The following HEXA variants were observed in gnomAD, a reference collection of about 807,000 sequenced individuals.
HEXA encodes beta-hexosaminidase subunit alpha.
In HEXA, 54 loss-of-function variants were observed where a neutral mutation model predicts 73.3. That is an observed-to-expected ratio of 0.74 (90% CI 0.59 to 0.92). The LOEUF is 0.92. HEXA is among the 40% of genes least tolerant of loss of function. The probability of loss-of-function intolerance (pLI) is 0.00; values close to 1 mark genes in which losing one functional copy is unlikely to be tolerated. For missense variants in HEXA, 649 were observed against 653.0 expected (o/e 0.99, Z 0.07); for synonymous variants, 230 against 246.9 (o/e 0.93, Z 0.64).
At chr15:72,350,400 T>C (rs1350315977) in intron 7 of HEXA, 118 bp downstream of exon 7, 4 of 1,091,268 alleles carry the variant, frequency 3.7e-6, no homozygotes, top group Admixed American at 3.4e-5. Context: ...AAGAAGTCGA[T>C]GGAAAACATT....
In HEXA at chr15:72,345,539, C is replaced by A; in HGVS notation, c.1433G>T (p.Gly478Val). 1 of 1,614,226 alleles carries A rather than the reference C, an allele frequency of 6.2e-7. No homozygotes were observed. The highest frequency in any genetic ancestry group is 1.3e-5 in the African/African-American group (1 of 75,072). Residue 478 changes from glycine to valine, a missense_variant, in exon 13 of 14, where the codon GGG (glycine) becomes GTG (valine). Coordinates refer to ENST00000268097, the MANE Select transcript of HEXA (RefSeq NM_000520.6). The stretch of plus-strand genomic sequence containing the variant: ...GCTCCACAGCCTTTCGGCAACAGCC[C>A]CTGCTCTGGGCCTGGAGGAAAAGGG... ...NLVPRLWPRA[G>V]AVAERLWSNK...
At chr15:72,351,544 G>T in intron 5 of HEXA, 1 of 454,678 alleles carries the variant, frequency 2.2e-6, no homozygotes, top group South Asian at 2.3e-5. Context: ...GTGGTAGCCT[G>T]GAATCTTCCA....
intron 12 of HEXA, 128 bp downstream of exon 12, chr15:72,346,107 C>T: frequency 4.2e-6 from 3 of 714,050 alleles, no homozygotes; most frequent in South Asian, 1.5e-5. Context: ...AGGCTCGTTG[C>T]ACGGCCTGCT....
At position 72,349,153 on chromosome 15, in the gene HEXA, G is replaced by T. The variant is rs1385655581; in HGVS notation, c.912C>A (p.Phe304Leu). 6.2e-7 allele frequency: 1 copy of T among 1,613,922 alleles called. No homozygotes were observed. Among genetic ancestry groups the T allele is most frequent in the South Asian group, 1.1e-5 (1 of 91,078 alleles). ...GGAAGACAGAGCTGACTTCTAAGAA[G>T]AATGTGCTCATGAACTCATAGGTAT... is the stretch of plus-strand genomic sequence containing the variant. ...LNNTYEFMST[F>L]FLEVSSVFPD... The change falls in exon 8 of 14, where the codon TTC (phenylalanine) becomes TTA (leucine). Residue 304 changes from phenylalanine to leucine, a missense_variant. Coordinates refer to ENST00000268097, the MANE Select transcript of HEXA (RefSeq NM_000520.6).
intron 13 of HEXA, 119 bp from the exon 14 acceptor site, chr15:72,344,259 T>C: frequency 1.4e-6 from 1 of 732,330 alleles, no homozygotes; most frequent in East Asian, 2.8e-5. Context: ...ACTGTCACTG[T>C]ACACCAAATG....
Position 72,349,283 on chromosome 15 carries a change from T to G in HEXA, c.806-24A>C, listed in dbSNP as rs1276811512. 1.9e-6 allele frequency: 3 copies of G among 1,596,900 alleles called. No individual in the cohort carries two copies. In the South Asian group the frequency reaches 3.3e-5, roughly 18 times the overall value. ...ACCTAAGCCAAGAGAAAACCCCATA[T>G]GAGTGTCACAAATACATAAACCCCC... On this transcript the variant is annotated intron_variant, in intron 7 of 13. Transcript: ENST00000268097.
At chr15:72,363,810 T>C (rs1195757727) in intron 1 of HEXA, among the ~76,000 whole-genome samples, 6 of 152,194 alleles carry the variant, frequency 3.9e-5, no homozygotes, top group Non-Finnish European at 8.8e-5. Flanking sequence ...TTTCCCCTAC[T>C]TTTAAAACTG....
rs200177553 is a variant in HEXA at position 72,353,195 on chromosome 15, T to C, written c.460-17A>G. The C allele has an allele frequency of 9.7e-6, 14 of 1,446,586 alleles. No individual in the cohort carries two copies. The East Asian group carries it at 1.4e-4, about 14-fold the overall frequency. 89.6% of individuals were successfully genotyped at this position (1,446,586 alleles called of 1,614,324 possible). A position where few individuals can be genotyped will look rare whatever the true frequency, so the allele number is the denominator to read the frequency against. On this transcript the variant is annotated splice_polypyrimidine_tract_variant and intron_variant, in intron 4 of 13. Transcript: ENST00000268097. ...GATAAAGAACTGTGCAGAACAAACATTGAACATGTCAGTTTCAAAGGAAGC... is the reference window on the plus strand; with the variant it reads ...GATAAAGAACTGTGCAGAACAAACACTGAACATGTCAGTTTCAAAGGAAGC...
chr15:72,355,604 C>A lies in HEXA; in HGVS notation c.367G>T (p.Asp123Tyr), dbSNP rs768750119. Residue 123 changes from aspartate (D) to tyrosine (Y), a missense_variant, in exon 3 of 14, where the codon GAC becomes TAC. Coordinates refer to ENST00000268097, the MANE Select transcript of HEXA (RefSeq NM_000520.6). ...VENYTLTIND[D>Y]QCLLLSETVW... Reference sequence around the variant, plus strand: ...GTCTCAGAGAGGAGTAAACACTGGTCATCATTTATGGTCAGGGTATCTGAA... The same window carrying A: ...GTCTCAGAGAGGAGTAAACACTGGTAATCATTTATGGTCAGGGTATCTGAA... 3 of 1,611,174 alleles carry A rather than the reference C, an allele frequency of 1.9e-6. No individual in the cohort carries two copies. The highest frequency in any genetic ancestry group is 1.7e-6 in the Non-Finnish European group (2 of 1,177,534).
At chr15:72,358,535 G>A (rs915045531) in intron 1 of HEXA, 1 of 152,188 alleles carries the variant, frequency 6.6e-6, no homozygotes, top group Non-Finnish European at 1.5e-5. Context: ...CTTTTGGAGA[G>A]TCACAGACTC....
chr15:72,350,384 A>T, intron 7 of HEXA, 134 bp downstream of exon 7: 1 of 930,210 alleles, frequency 1.1e-6, no homozygotes, highest in Non-Finnish European at 1.8e-6. Context: ...CTAAATTCCC[A>T]GGTGGAAGAA....
In HEXA at chr15:72,356,635, G is replaced by A. The variant is rs1301859095; in HGVS notation, c.254-18C>T. On this transcript the variant is annotated intron_variant, in intron 1 of 13. Transcript: ENST00000268097. ...CCGTTTCCCTAGGAAGACAGGGTAA[G>A]CTTGGTGCGGCCAACCTGCCATTAG... 6.2e-7 allele frequency: 1 copy of A among 1,613,698 alleles called. No homozygotes were observed.
chr15:72,344,201 T>C, intron 13 of HEXA, 61 bp from the exon 14 acceptor site: 3 of 1,180,596 alleles, frequency 2.5e-6, no homozygotes, highest in Non-Finnish European at 3.8e-6. Context: ...CAGCAACACT[T>C]TTCACACCAG....
At position 72,375,833 on chromosome 15, in the gene HEXA, TG is replaced by T; in HGVS notation, c.139del (p.Gln47SerfsTer53). ...CTGCGCGGCCGAGCTGACATCGTAC[TG>T]GAATTGAAAGTTGTTCGGGTAAAGG... Reference protein sequence around the residue: ...YVLYPNNFQFQYDVSSAAQPG... With the variant: ...YVLYPNNFQFXYDVSSAAQPG... On this transcript the variant is annotated frameshift_variant, in exon 1 of 14. Transcript: ENST00000268097. LOFTEE classifies it high-confidence loss of function. 1 of 1,614,230 alleles carries T rather than the reference TG, an allele frequency of 6.2e-7. No homozygotes were observed. The highest frequency in any genetic ancestry group is 1.1e-5 in the South Asian group (1 of 91,090).
chr15:72,350,008 C>G (rs1233286407), intron 7 of HEXA, among the ~76,000 whole-genome samples: 1 of 152,216 alleles, frequency 6.6e-6, no homozygotes, highest in African/African-American at 2.4e-5. Context: ...AGGTGATCCA[C>G]CCGCCTTGGC....
At chr15:72,363,841 T>A (rs2088883187) in intron 1 of HEXA, among the ~76,000 whole-genome samples, 2 of 151,822 alleles carry the variant, frequency 1.3e-5, no homozygotes, top group African/African-American at 4.9e-5. Flanking sequence ...CCCAACCCTA[T>A]CCCCACTGGA....
intron 1 of HEXA, among the ~76,000 whole-genome samples, chr15:72,369,085 A>C (rs888045369): frequency 6.6e-6 from 1 of 152,212 alleles, no homozygotes; most frequent in Non-Finnish European, 1.5e-5. Context: ...ATGTGGACAC[A>C]ACAATAGCAT....
Position 72,349,112 on chromosome 15 carries a change from T to A in HEXA, c.953A>T (p.His318Leu), listed in dbSNP as rs766622566. 1 of 1,614,054 alleles carries A rather than the reference T, an allele frequency of 6.2e-7. No homozygotes were observed. Among genetic ancestry groups the A allele is most frequent in the South Asian group, 1.1e-5 (1 of 91,076 alleles). ...GAAATCAACCTCATCTCCTCCAAGA[T>A]GAAGATAAAAATCTGGGAAGACAGA... ...VSSVFPDFYLHLGGDEVDFTC... is the reference protein window; with the variant it reads ...VSSVFPDFYLLLGGDEVDFTC... Residue 318 changes from histidine to leucine, a missense_variant, in exon 8 of 14, where the codon CAT becomes CTT. His to Leu is a moderately conservative substitution (Grantham distance 99). Coordinates refer to ENST00000268097, the MANE Select transcript of HEXA (RefSeq NM_000520.6).
chr15:72,345,123 T>G (rs2088592332), intron 13 of HEXA: 1 of 370,386 alleles, frequency 2.7e-6, no homozygotes, highest in Admixed American at 3.9e-5. Context: ...TCAAGTCCCT[T>G]ATATAAAAAT....
Sources: allele counts gnomAD v4.1 joint callset (sites outside exome capture counted in the v4.1 genomes callset), GRCh38; gene constraint gnomAD v4.1.1; transcripts MANE v1.5; gene names NCBI Gene and HGNC (gene_info 2026-07-23, HGNC 2026-07-21).